COL21A1: variants seen among roughly 807,000 people sequenced by gnomAD.
COL21A1 encodes collagen type XXI alpha 1 chain, also known as collagen alpha-1(XXI) chain.
In COL21A1, 149 loss-of-function variants were observed where a neutral mutation model predicts 137.9. The observed-to-expected ratio is 1.08, with a 90% CI of 0.95 to 1.24. COL21A1 has a LOEUF of 1.24. Among genes scored for constraint, COL21A1 ranks in the 50% most tolerant of loss-of-function variants. COL21A1 has a pLI of 0.00. For synonymous variants in COL21A1, 456 were observed against 391.5 expected (o/e 1.16, Z -1.95); for missense variants, 1,167 against 1,158.4 (o/e 1.01, Z -0.11).
At chr6:56,271,053 G>A (rs1763514129) in intron 1 of COL21A1, among the ~76,000 whole-genome samples, 1 of 152,144 alleles carries the variant, frequency 6.6e-6, no homozygotes, top group Admixed American at 6.5e-5. Flanking sequence ...TTTAGAACTG[G>A]GTAACAGGAA....
chr6:56,143,199 C>CTTTTTTTT (rs1201380404), intron 10 of COL21A1, among the ~76,000 whole-genome samples: 4 of 124,534 alleles, frequency 3.2e-5, no homozygotes, highest in Non-Finnish European at 3.4e-5. Context: ...TACAATTTTT[C>CTTTTTTTT]TTTTTTTTTT....
intron 1 of COL21A1, among the ~76,000 whole-genome samples, chr6:56,318,762 A>G (rs971527121): frequency 5.9e-5 from 9 of 152,078 alleles, no homozygotes; most frequent in Admixed American, 5.9e-4. Flanking sequence ...GATTATTCCC[A>G]TCCAAAATAT....
intron 17 of COL21A1, among the ~76,000 whole-genome samples, chr6:56,097,918 T>TAAATATATAAATATATAAATATATGA (rs1769605413): frequency 2.2e-5 from 2 of 91,448 alleles, no homozygotes; most frequent in Admixed American, 1.7e-4. Flanking sequence ...TAAATATATA[T>TAAATATATAAATATATAAATATATGA]AAATATATAA....
intron 1 of COL21A1, among the ~76,000 whole-genome samples, chr6:56,335,187 G>A (rs2152344210): frequency 6.6e-6 from 1 of 152,172 alleles, no homozygotes; most frequent in East Asian, 1.9e-4. Flanking sequence ...ACCACTGGTT[G>A]GTGCAGTCAG....
intron 1 of COL21A1, among the ~76,000 whole-genome samples, chr6:56,209,812 A>G (rs1780041315): frequency 6.6e-6 from 1 of 152,190 alleles, no homozygotes; most frequent in Non-Finnish European, 1.5e-5. Flanking sequence ...TTCTACTATA[A>G]AGACTCATTC....
intron 1 of COL21A1, among the ~76,000 whole-genome samples, chr6:56,236,716 A>G (rs1437687661): frequency 6.6e-6 from 1 of 152,058 alleles, no homozygotes; most frequent in Non-Finnish European, 1.5e-5. Flanking sequence ...TTGTATTTAA[A>G]ATAGTCCATC....
At chr6:56,188,980 C>T (rs1582596820) in intron 1 of COL21A1, among the ~76,000 whole-genome samples, 2 of 152,170 alleles carry the variant, frequency 1.3e-5, no homozygotes, top group Middle Eastern at 6.8e-3. Flanking sequence ...CATCAAAGAC[C>T]AAAGGCAGAT....
At chr6:56,115,626 T>G (rs1359509673) in intron 16 of COL21A1, among the ~76,000 whole-genome samples, 1 of 152,102 alleles carries the variant, frequency 6.6e-6, no homozygotes, top group African/African-American at 2.4e-5. Context: ...GAAGAACATC[T>G]ACTAGCATCA....
chr6:56,275,364 G>A (rs943319527), intron 1 of COL21A1, among the ~76,000 whole-genome samples: 3 of 152,032 alleles, frequency 2.0e-5, no homozygotes. Flanking sequence ...TGACAACTGG[G>A]ACCTAATTAA....
At chr6:56,253,736 C>T (rs1782906715) in intron 1 of COL21A1, among the ~76,000 whole-genome samples, 1 of 152,142 alleles carries the variant, frequency 6.6e-6, no homozygotes, top group Middle Eastern at 3.2e-3. Flanking sequence ...ACAGAATGTC[C>T]ATATAAAATC....
chr6:56,214,400 C>A (rs1190842052), intron 1 of COL21A1, among the ~76,000 whole-genome samples: 2 of 151,996 alleles, frequency 1.3e-5, no homozygotes, highest in East Asian at 1.9e-4. Flanking sequence ...TTTTAAATTC[C>A]TTTAATCATT....
intron 1 of COL21A1, among the ~76,000 whole-genome samples, chr6:56,373,589 G>A (rs897525235): frequency 6.6e-6 from 1 of 152,194 alleles, no homozygotes; most frequent in Non-Finnish European, 1.5e-5. Flanking sequence ...GTGACAGAGC[G>A]AGACTCTGTC....
At chr6:56,390,900 T>C (rs1281187421) in intron 1 of COL21A1, among the ~76,000 whole-genome samples, 1 of 152,124 alleles carries the variant, frequency 6.6e-6, no homozygotes, top group East Asian at 1.9e-4. Context: ...ACTTTTAGCA[T>C]TGGACAAATC....
At chr6:56,215,243 T>C (rs993221878) in intron 1 of COL21A1, among the ~76,000 whole-genome samples, 2 of 152,062 alleles carry the variant, frequency 1.3e-5, no homozygotes, top group African/African-American at 4.8e-5. Flanking sequence ...CCCATTGCAA[T>C]AATATCTCTG....
intron 9 of COL21A1, among the ~76,000 whole-genome samples, chr6:56,160,257 G>A (rs1776095055): frequency 6.6e-6 from 1 of 152,176 alleles, no homozygotes; most frequent in Admixed American, 6.5e-5. Context: ...TGGTCCAACA[G>A]ATTTGCATAT....
At chr6:56,247,221 C>A (rs150124490) in intron 1 of COL21A1, among the ~76,000 whole-genome samples, 166 bp downstream of exon 1, 2 of 152,348 alleles carry the variant, frequency 1.3e-5, no homozygotes, top group East Asian at 3.9e-4. Context: ...CAGCCTCCAG[C>A]TGGGCGCGGA....
chr6:56,389,187 C>T (rs1031178892), intron 1 of COL21A1, among the ~76,000 whole-genome samples: 1 of 151,964 alleles, frequency 6.6e-6, no homozygotes, highest in African/African-American at 2.4e-5. Flanking sequence ...TATGGCGAAA[C>T]CCCATCTCTA....
intron 1 of COL21A1, among the ~76,000 whole-genome samples, chr6:56,310,768 A>G (rs1226547176): frequency 6.6e-6 from 1 of 152,112 alleles, no homozygotes; most frequent in Non-Finnish European, 1.5e-5. Context: ...CCAAATGAAG[A>G]AATACATATT....
At chr6:56,361,908 A>G (rs1490149983) in intron 1 of COL21A1, among the ~76,000 whole-genome samples, 1 of 152,190 alleles carries the variant, frequency 6.6e-6, no homozygotes, top group South Asian at 2.1e-4. Context: ...ATCCACAAGG[A>G]TATCAAGCAT....
Sources: gnomAD v4.1 joint callset for allele counts (sites outside exome capture counted in the v4.1 genomes callset) on GRCh38, gnomAD v4.1.1 for gene constraint, MANE v1.5 for transcripts, NCBI Gene and HGNC (gene_info 2026-07-23, HGNC 2026-07-21) for gene names.